The following ENPP2 variants were observed in gnomAD, a reference collection of about 807,000 sequenced individuals.
The protein encoded by ENPP2 is ectonucleotide pyrophosphatase/phosphodiesterase 2.
Under a neutral mutation model 120.2 loss-of-function variants are expected in ENPP2, and 51 were observed. The observed-to-expected ratio is 0.42, with a 90% CI of 0.34 to 0.54. The LOEUF (loss-of-function observed/expected upper bound fraction) is 0.54. Ranked by LOEUF, ENPP2 falls within the 20% of genes least tolerant of loss-of-function variation. ENPP2 has a pLI of 0.04. For synonymous variants in ENPP2, 365 were observed against 366.4 expected, an observed-to-expected ratio of 1.00 and a Z score of 0.04; for missense variants, 920 against 1,066.5, an observed-to-expected ratio of 0.86 and a Z score of 1.91.
rs754303358 is a variant in ENPP2, at chr8:119,569,738, T to TTGTGTG, written c.1918-369_1918-368insCACACA. Among the ~76,000 whole-genome samples, 807 of 90,814 alleles carry TTGTGTG rather than the reference T, an allele frequency of 8.9e-3. 9 individuals are homozygous for TTGTGTG. The highest frequency in any genetic ancestry group is 0.034 in the Middle Eastern group (6 of 174). The allele number at this position is 90,814 out of a possible 152,430, so 59.6% of individuals were successfully genotyped here. A position where few individuals can be genotyped will look rare whatever the true frequency, so the allele number is the denominator to read the frequency against. ...GATGTATCTCCTCTAAATAGACTAT[T>TTGTGTG]TATCTGTGTGTGTGTGTGTGTGTGT... On this transcript the variant is annotated intron_variant, in intron 20 of 24. Coordinates refer to ENST00000075322, the MANE Select transcript of ENPP2 (RefSeq NM_001040092.3).
chr8:119,558,953 A>G (rs1273794495), intron 24 of ENPP2, among the ~76,000 whole-genome samples: 1 of 152,218 alleles, frequency 6.6e-6, no homozygotes, highest in Non-Finnish European at 1.5e-5. Context: ...AGGGAACTGC[A>G]GCAGCTTGTG....
At position 119,580,116 on chromosome 8, in the gene ENPP2, C is replaced by T. The variant is rs1812628176; in HGVS notation, c.1780G>A (p.Glu594Lys). 2.5e-6 allele frequency: 4 copies of T among 1,611,896 alleles called. No homozygotes were observed. Among genetic ancestry groups the T allele is most frequent in the African/African-American group, 1.3e-5 (1 of 74,868 alleles). Residue 594 changes from glutamate to lysine, a missense_variant and splice_region_variant, in exon 19 of 25, where the codon GAG becomes AAG. By Grantham distance (56) the Glu-to-Lys change is moderately conservative. Transcript: ENST00000075322. Reference protein sequence around the residue: ...KRLHTKGSTEERHLLYGRPAV... With the variant: ...KRLHTKGSTEKRHLLYGRPAV... ...TGATTATTTTGCAACCACCCCTTAC[C>T]TTCTGTAGACCCTTTTGTATGAAGC...
At chr8:119,582,728 C>A (rs1275423181) in intron 17 of ENPP2, 126 bp from the exon 18 acceptor site, 1 of 707,402 alleles carries the variant, frequency 1.4e-6, no homozygotes, top group Non-Finnish European at 2.4e-6. Context: ...CTGGACAAAA[C>A]CAAATGTAGA....
chr8:119,615,159 T>C lies in ENPP2; in HGVS notation c.777+1106A>G, dbSNP rs760288523. On this transcript the variant is annotated intron_variant, in intron 8 of 24. Transcript: ENST00000075322. ...TTCCAGGTACAAGATCATTGAGGCA[T>C]GGTGGATACATGGATGTGTGCAGAC... is the stretch of plus-strand genomic sequence containing the variant. Among the ~76,000 whole-genome samples the C allele has an allele frequency of 2.6e-5, 4 of 152,270 alleles. No homozygotes were observed. The East Asian group carries it at 7.7e-4, about 29-fold the overall frequency.
chr8:119,596,882 C>T lies in ENPP2; in HGVS notation c.973-3022G>A, dbSNP rs73712345. 3.5e-3 allele frequency among the ~76,000 whole-genome samples: 529 copies of T among 152,034 alleles called. 3 individuals are homozygous for T. The highest frequency in any genetic ancestry group is 0.011 in the African/African-American group (462 of 41,470). On this transcript the variant is annotated intron_variant, in intron 11 of 24. Coordinates refer to ENST00000075322, the MANE Select transcript of ENPP2 (RefSeq NM_001040092.3). ...AAGTTGACACATAAACTGAAGATAACCTTTTGGGATTTCCAAATGCTGGAG... is the reference window on the plus strand; with the variant it reads ...AAGTTGACACATAAACTGAAGATAATCTTTTGGGATTTCCAAATGCTGGAG...
intron 10 of ENPP2, 69 bp downstream of exon 10, chr8:119,601,328 T>C: frequency 9.3e-7 from 1 of 1,075,108 alleles, no homozygotes; most frequent in Non-Finnish European, 1.4e-6. Flanking sequence ...TTCCACAGTC[T>C]AGTGTTTCAC....
chr8:119,657,085 C>T (rs564999002), intron 1 of ENPP2, among the ~76,000 whole-genome samples: 28 of 152,028 alleles, frequency 1.8e-4, no homozygotes, highest in Admixed American at 3.3e-4. Context: ...CCACCATGCC[C>T]GGCTAATTTC....
chr8:119,557,766 G>T, intron 24 of ENPP2, 75 bp from the exon 25 acceptor site: 1 of 1,286,124 alleles, frequency 7.8e-7, no homozygotes. Flanking sequence ...TTTACTCCAA[G>T]TCCACAAATG....
intron 9 of ENPP2, among the ~76,000 whole-genome samples, 156 bp downstream of exon 9, chr8:119,607,765 AG>A (rs1315479106): frequency 3.3e-5 from 5 of 152,066 alleles, no homozygotes; most frequent in South Asian, 2.1e-4. Flanking sequence ...GGAGGATCTC[AG>A]GAAAAAAACA....
chr8:119,656,959 A>C (rs977634402), intron 1 of ENPP2, among the ~76,000 whole-genome samples: 2 of 152,080 alleles, frequency 1.3e-5, no homozygotes, highest in Non-Finnish European at 2.9e-5. Flanking sequence ...ATGGAGTCTC[A>C]TTCCGTTGCC....
intron 22 of ENPP2, among the ~76,000 whole-genome samples, chr8:119,566,278 G>A (rs1175306785): frequency 6.6e-6 from 1 of 152,188 alleles, no homozygotes. Flanking sequence ...GGATAGGCAA[G>A]CAATGGGTTG....
chr8:119,590,737 C>T, intron 12 of ENPP2, 107 bp from the exon 13 acceptor site: 3 of 735,114 alleles, frequency 4.1e-6, no homozygotes, highest in Non-Finnish European at 6.2e-6. Flanking sequence ...TTTTTAGTAA[C>T]TTAATGGGAA....
Position 119,562,922 on chromosome 8 carries a change from C to T in ENPP2, c.2356G>A (p.Asp786Asn), listed in dbSNP as rs760848363. 2.5e-6 allele frequency: 4 copies of T among 1,614,150 alleles called. No individual in the cohort carries two copies. The highest frequency in any genetic ancestry group is 1.7e-6 in the Non-Finnish European group (2 of 1,180,008). Reference sequence around the variant, plus strand: ...AAGGAGGACACAGAGAGAGGGCCGTCACACTTGTCGGCAGGCTGAGTGAAA... The same window carrying T: ...AAGGAGGACACAGAGAGAGGGCCGTTACACTTGTCGGCAGGCTGAGTGAAA... ...LDFTQPADKCDGPLSVSSFIL... is the reference protein window; with the variant it reads ...LDFTQPADKCNGPLSVSSFIL... Residue 786 changes from aspartate to asparagine, a missense_variant, in exon 24 of 25, where the codon GAC becomes AAC. Asp to Asn is a conservative substitution (Grantham distance 23, BLOSUM62 1). Coordinates refer to ENST00000075322, the MANE Select transcript of ENPP2 (RefSeq NM_001040092.3).
intron 9 of ENPP2, among the ~76,000 whole-genome samples, chr8:119,601,948 T>A (rs1330487190): frequency 6.6e-6 from 1 of 152,158 alleles, no homozygotes. Context: ...AAGGATGAAA[T>A]GAGACAAGAC....
rs201110365 is a variant in ENPP2, at chr8:119,620,057, A to C, written c.419-753T>G. Among the ~76,000 whole-genome samples the C allele has an allele frequency of 2.6e-5, 4 of 152,346 alleles. No individual in the cohort carries two copies. The East Asian group carries it at 7.7e-4, about 29-fold the overall frequency. ...TGCTCCCATGTAAAGAGAACTGGAA[A>C]TCTTCTCTGGTCAATAAGACTCTAA... On this transcript the variant is annotated intron_variant, in intron 4 of 24. Transcript: ENST00000075322.
chr8:119,569,859 T>C (rs1182007134), intron 20 of ENPP2, among the ~76,000 whole-genome samples: 1 of 152,056 alleles, frequency 6.6e-6, no homozygotes, highest in South Asian at 2.1e-4. Context: ...TCTCCTCCTT[T>C]GTATTAAAAA....
chr8:119,654,056 A>G (rs987730802), intron 1 of ENPP2, among the ~76,000 whole-genome samples: 95 of 145,446 alleles, frequency 6.5e-4, no homozygotes, highest in Non-Finnish European at 1.2e-3. Flanking sequence ...TTATCTAGAG[A>G]GACATATTAT....
At chr8:119,628,104 T>C (rs1816410117) in intron 2 of ENPP2, among the ~76,000 whole-genome samples, 1 of 151,908 alleles carries the variant, frequency 6.6e-6, no homozygotes, top group African/African-American at 2.4e-5. Context: ...TGATAAAGAC[T>C]AGATAGCAAA....
chr8:119,641,525 A>C (rs1178489873), upstream of ENPP2, among the ~76,000 whole-genome samples: 1 of 152,238 alleles, frequency 6.6e-6, no homozygotes, highest in Non-Finnish European at 1.5e-5. Context: ...ATTAAATTCC[A>C]ACATGGTTTA....
Sources: allele counts gnomAD v4.1 joint callset (sites outside exome capture counted in the v4.1 genomes callset), GRCh38; gene constraint gnomAD v4.1.1; transcripts MANE v1.5; gene names NCBI Gene and HGNC (gene_info 2026-07-23, HGNC 2026-07-21).